HPSE2: variants seen among roughly 807,000 people sequenced by gnomAD.
HPSE2 encodes the protein heparanase 2 (inactive).
Under a neutral mutation model 60.5 loss-of-function variants are expected in HPSE2, and 38 were observed. The observed-to-expected ratio is 0.63, with a 90% CI of 0.48 to 0.82. The LOEUF is 0.82. HPSE2 is among the 40% of genes least tolerant of loss of function. The pLI is 0.00. For missense variants in HPSE2, 713 were observed against 740.4 expected (o/e 0.96, Z 0.43); for synonymous variants, 295 against 293.2 (o/e 1.01, Z -0.06).
rs572821662 is a variant in HPSE2 at position 98,937,922 on chromosome 10, G to A, written c.611-193866C>T. On this transcript the variant is annotated intron_variant, in intron 3 of 11. Transcript: ENST00000370552. ...GAGGAACGATCAGACAGCAGCATTC[G>A]CGGTTCATAAAAATCCACTGTTCTG... Among the ~76,000 whole-genome samples, 7 of 143,548 alleles carry A rather than the reference G, an allele frequency of 4.9e-5. 1 individual carries two copies. The highest frequency in any genetic ancestry group is 2.0e-4 in the East Asian group (1 of 5,056). The allele number at this position is 143,548 out of a possible 152,430, so 94.2% of individuals were successfully genotyped here.
At chr10:99,100,752 G>A (rs1328220091) in intron 3 of HPSE2, among the ~76,000 whole-genome samples, 2 of 152,158 alleles carry the variant, frequency 1.3e-5, no homozygotes, top group African/African-American at 4.8e-5. Flanking sequence ...GAAAGGTCGG[G>A]TTACCCTCAA....
intron 3 of HPSE2, among the ~76,000 whole-genome samples, chr10:98,907,289 C>A (rs538439594): frequency 2.0e-5 from 3 of 152,012 alleles, no homozygotes; most frequent in Non-Finnish European, 2.9e-5. Context: ...TTTTAAATGG[C>A]CAGCAAGGTA....
At chr10:98,945,426 T>A (rs1227662160) in intron 3 of HPSE2, among the ~76,000 whole-genome samples, 3 of 152,166 alleles carry the variant, frequency 2.0e-5, no homozygotes, top group Non-Finnish European at 4.4e-5. Context: ...TATTTGTAGA[T>A]GATACAGAAA....
At chr10:99,289,546 G>GT in the HPSE2 span, among the ~76,000 whole-genome samples, 130,035 of 152,066 alleles carry the variant, frequency 0.86, 55,949 homozygotes, top group African/African-American at 0.92. Flanking sequence ...TTTTTACTCA[G>GT]TGCCAAGAGT....
At chr10:98,634,774 T>C (rs1589543725) in intron 7 of HPSE2, among the ~76,000 whole-genome samples, 1 of 152,206 alleles carries the variant, frequency 6.6e-6, no homozygotes, top group Non-Finnish European at 1.5e-5. Context: ...TAAGCAATGA[T>C]AACAAATGAA....
At chr10:98,925,784 T>G (rs1383270862) in intron 3 of HPSE2, among the ~76,000 whole-genome samples, 1 of 152,174 alleles carries the variant, frequency 6.6e-6, no homozygotes, top group Non-Finnish European at 1.5e-5. Context: ...GGTCCTTTAT[T>G]GTTCTCCTTG....
At chr10:99,114,932 GA>G (rs1844620141) in intron 3 of HPSE2, among the ~76,000 whole-genome samples, 1 of 150,018 alleles carries the variant, frequency 6.7e-6, no homozygotes, top group Admixed American at 6.7e-5. Flanking sequence ...AGAAGAAGAA[GA>G]AGAACATGAC....
the HPSE2 span, among the ~76,000 whole-genome samples, chr10:99,309,742 C>G: frequency 6.6e-6 from 1 of 152,186 alleles, no homozygotes; most frequent in African/African-American, 2.4e-5. Context: ...TCTGGCCCAC[C>G]ACCCTTGATG....
chr10:99,068,461 G>A (rs535002580), intron 3 of HPSE2, among the ~76,000 whole-genome samples: 5 of 152,256 alleles, frequency 3.3e-5, no homozygotes, highest in Admixed American at 1.3e-4. Flanking sequence ...GAGCTTGTAC[G>A]GGAGAAGTTC....
chr10:98,697,599 G>C (rs1460527300), intron 5 of HPSE2, among the ~76,000 whole-genome samples: 1 of 152,142 alleles, frequency 6.6e-6, no homozygotes, highest in Non-Finnish European at 1.5e-5. Context: ...ATATTATCCA[G>C]AAAAACTTCC....
At chr10:98,459,817 G>T in intron 11 of HPSE2, 78 bp from the exon 12 acceptor site, 1 of 1,370,752 alleles carries the variant, frequency 7.3e-7, no homozygotes, top group Non-Finnish European at 1.0e-6. Context: ...GCCCCAGATG[G>T]CCTGGCAGTG....
chr10:98,531,839 C>T (rs1031793228), intron 9 of HPSE2, among the ~76,000 whole-genome samples: 1 of 152,098 alleles, frequency 6.6e-6, no homozygotes, highest in African/African-American at 2.4e-5. Flanking sequence ...TGACCCTTAG[C>T]AAGTTACTTT....
intron 3 of HPSE2, among the ~76,000 whole-genome samples, chr10:98,808,051 A>G (rs1436647827): frequency 2.0e-5 from 3 of 152,118 alleles, no homozygotes; most frequent in African/African-American, 7.2e-5. Flanking sequence ...ATATTCTAAG[A>G]CCTACTCCTC....
At chr10:98,509,733 C>A (rs1942324794) in intron 9 of HPSE2, among the ~76,000 whole-genome samples, 1 of 152,014 alleles carries the variant, frequency 6.6e-6, no homozygotes, top group Non-Finnish European at 1.5e-5. Context: ...AACTGCTGAC[C>A]TCGTGATCCA....
intron 3 of HPSE2, among the ~76,000 whole-genome samples, chr10:98,877,573 G>C (rs1416737196): frequency 1.3e-5 from 2 of 151,864 alleles, no homozygotes; most frequent in Non-Finnish European, 2.9e-5. Flanking sequence ...GTTTAGTATA[G>C]TGCTTGGCAA....
chr10:98,881,021 A>G (rs189599060), intron 3 of HPSE2, among the ~76,000 whole-genome samples: 3 of 152,154 alleles, frequency 2.0e-5, no homozygotes. Context: ...TCTATCCCAT[A>G]GCGTTGTTCC....
chr10:98,875,198 A>G (rs975141409), intron 3 of HPSE2, among the ~76,000 whole-genome samples: 2 of 152,090 alleles, frequency 1.3e-5, no homozygotes, highest in African/African-American at 2.4e-5. Flanking sequence ...TGAAGGAGAT[A>G]GAGATCCAAA....
intron 3 of HPSE2, among the ~76,000 whole-genome samples, chr10:98,994,616 C>G (rs1360825856): frequency 6.6e-6 from 1 of 152,168 alleles, no homozygotes. Flanking sequence ...CTTGGCCAGA[C>G]AGTGGCTATA....
At chr10:98,496,804 C>T (rs768244590) in intron 9 of HPSE2, among the ~76,000 whole-genome samples, 8 of 152,076 alleles carry the variant, frequency 5.3e-5, no homozygotes, top group Non-Finnish European at 1.2e-4. Flanking sequence ...TTGGTAGTAA[C>T]AATCCTTTAG....
Sources: allele counts gnomAD v4.1 joint callset (sites outside exome capture counted in the v4.1 genomes callset), GRCh38; gene constraint gnomAD v4.1.1; transcripts MANE v1.5; gene names NCBI Gene and HGNC (gene_info 2026-07-23, HGNC 2026-07-21).